The following TMEM38B variants were observed in gnomAD, a reference collection of about 807,000 sequenced individuals.
TMEM38B encodes trimeric intracellular cation channel type B.
TMEM38B carries 24 observed loss-of-function variants against 28.7 expected under a neutral mutation model. The ratio of observed to expected loss-of-function variants is 0.84; its 90% CI spans 0.61 to 1.18. The LOEUF is 1.18. TMEM38B is among the 50% of genes most tolerant of loss of function. The pLI is 0.00. For synonymous variants in TMEM38B, 131 were observed against 127.7 expected (o/e 1.03, Z -0.17); for missense variants, 380 against 350.9 (o/e 1.08, Z -0.66).
chr9:105,748,962 A>AT (rs1837541648), intron 5 of TMEM38B: 1 of 809,898 alleles, frequency 1.2e-6, no homozygotes, highest in African/African-American at 1.8e-5. Context: ...TAGACTAGAT[A>AT]TTTTTGGCTA....
At chr9:105,760,819 G>A in intron 5 of TMEM38B, 1 of 723,822 alleles carries the variant, frequency 1.4e-6, no homozygotes, top group Non-Finnish European at 2.2e-6. Flanking sequence ...TGAGAATGTA[G>A]CTAATCAAAA....
intron 2 of TMEM38B, among the ~76,000 whole-genome samples, chr9:105,706,648 G>C (rs1835680755): frequency 6.6e-6 from 1 of 152,096 alleles, no homozygotes; most frequent in Non-Finnish European, 1.5e-5. Context: ...ATGCTTAAGA[G>C]GCAAGGGAAA....
chr9:105,715,522 T>C (rs548949479), intron 2 of TMEM38B, among the ~76,000 whole-genome samples: 98 of 152,210 alleles, frequency 6.4e-4, no homozygotes, highest in African/African-American at 2.0e-3. Flanking sequence ...CTCTTATTAT[T>C]GGTATATTGG....
chr9:105,774,856 T>C lies in TMEM38B; in HGVS notation c.*776T>C, dbSNP rs919474241. On this transcript the variant is annotated 3_prime_UTR_variant, in exon 6 of 6. Coordinates refer to ENST00000374692, the MANE Select transcript of TMEM38B (RefSeq NM_018112.3). ...TTAATCCTATGTTTTGTAATTTTCA[T>C]TTTAGGAGCTTGACTTATTTTTTTC... 1 of 152,008 alleles carries C rather than the reference T, an allele frequency of 6.6e-6. No individual in the cohort carries two copies. The highest frequency in any genetic ancestry group is 2.4e-5 in the African/African-American group (1 of 41,424). 9.4% of individuals were successfully genotyped at this position (152,008 alleles called of 1,614,324 possible).
At chr9:105,705,487 G>C in intron 1 of TMEM38B, 110 bp from the exon 2 acceptor site, 1 of 1,105,904 alleles carries the variant, frequency 9.0e-7, no homozygotes, top group Non-Finnish European at 1.3e-6. Context: ...AATAATAGTT[G>C]TTGAAAATTA....
In TMEM38B at chr9:105,748,149, A is replaced by G; in HGVS notation, c.619A>G (p.Asn207Asp). 1.9e-6 allele frequency: 3 copies of G among 1,613,540 alleles called. No individual in the cohort carries two copies. Among genetic ancestry groups the G allele is most frequent in the Non-Finnish European group, 2.5e-6 (3 of 1,179,622 alleles). ...CCAGCATCTGGCAATATCAAAGCAT[A>G]ATCTTATGTTCCTTTATACCATCTT... ...HTQHLAISKHNLMFLYTIFIV... is the reference protein window; with the variant it reads ...HTQHLAISKHDLMFLYTIFIV... The change falls in exon 5 of 6, where the codon AAT becomes GAT. Residue 207 changes from asparagine (N) to aspartate (D), a missense_variant. Coordinates refer to ENST00000374692, the MANE Select transcript of TMEM38B (RefSeq NM_018112.3).
chr9:105,694,668 C>A lies in TMEM38B; in HGVS notation c.8C>A (p.Ser3Tyr). 2 of 1,613,656 alleles carry A rather than the reference C, an allele frequency of 1.2e-6. No homozygotes were observed. The highest frequency in any genetic ancestry group is 1.7e-6 in the Non-Finnish European group (2 of 1,179,670). The change falls in exon 1 of 6, where the codon TCT (serine) becomes TAT (tyrosine). Residue 3 changes from serine to tyrosine, a missense_variant. Ser to Tyr is a moderately radical substitution (Grantham distance 144, BLOSUM62 -2). Coordinates refer to ENST00000374692, the MANE Select transcript of TMEM38B (RefSeq NM_018112.3). Reference protein sequence around the residue: MDSPWDELALAFS... With the variant: MDYPWDELALAFS... ...CCGCGGTCGGTGGTCGTTATGGATTCTCCATGGGACGAGTTGGCTCTGGCC... is the reference window on the plus strand; with the variant it reads ...CCGCGGTCGGTGGTCGTTATGGATTATCCATGGGACGAGTTGGCTCTGGCC...
chr9:105,739,876 G>A (rs1047772121), intron 4 of TMEM38B, among the ~76,000 whole-genome samples: 11 of 151,326 alleles, frequency 7.3e-5, no homozygotes, highest in Admixed American at 4.6e-4. Context: ...ATTTAATTAC[G>A]TCTTTTTAAA....
At chr9:105,749,238 C>T (rs561780015) in intron 5 of TMEM38B, 2 of 506,492 alleles carry the variant, frequency 3.9e-6, no homozygotes, top group East Asian at 1.9e-4. Flanking sequence ...AGTCTGTTCT[C>T]ATGCTGCTAA....
At chr9:105,703,292 G>A (rs369562849) in intron 1 of TMEM38B, among the ~76,000 whole-genome samples, 1 of 152,156 alleles carries the variant, frequency 6.6e-6, no homozygotes. Context: ...CCAGACCAGC[G>A]TGGCCAACAT....
chr9:105,730,183 T>C (rs1836679299), intron 4 of TMEM38B, among the ~76,000 whole-genome samples: 1 of 152,208 alleles, frequency 6.6e-6, no homozygotes, highest in Non-Finnish European at 1.5e-5. Context: ...CGTCCAGTTT[T>C]TGCCCATTCA....
chr9:105,772,255 G>T (rs1174128068), intron 5 of TMEM38B, among the ~76,000 whole-genome samples: 1 of 152,072 alleles, frequency 6.6e-6, no homozygotes, highest in Non-Finnish European at 1.5e-5. Flanking sequence ...TTAGGGATTG[G>T]TAAATTCCCC....
In TMEM38B at chr9:105,748,208, C is replaced by T. The variant is rs187554503; in HGVS notation, c.660+18C>T. 6.5e-7 allele frequency: 1 copy of T among 1,544,762 alleles called. No homozygotes were observed. Among genetic ancestry groups the T allele is most frequent in the Non-Finnish European group, 8.9e-7 (1 of 1,118,836 alleles). On this transcript the variant is annotated intron_variant, in intron 5 of 5. Transcript: ENST00000374692. ...CCACAAAGGTAAGAATTCAAAGTAC[C>T]TATAATTATTACAAATCCTGTATAA...
At chr9:105,748,492 T>G (rs1376129106) in intron 5 of TMEM38B, among the ~76,000 whole-genome samples, 1 of 152,186 alleles carries the variant, frequency 6.6e-6, no homozygotes, top group Non-Finnish European at 1.5e-5. Flanking sequence ...TGATACTGTC[T>G]CATTTGTAAA....
At position 105,776,212 on chromosome 9, in the gene TMEM38B, A is replaced by G. The variant is rs1826716112; in HGVS notation, c.*2132A>G. On this transcript the variant is annotated 3_prime_UTR_variant, in exon 6 of 6. Coordinates refer to ENST00000374692, the MANE Select transcript of TMEM38B (RefSeq NM_018112.3). The stretch of plus-strand genomic sequence containing the variant: ...TCTCCTTAAAAAAAAAAAGGAGACA[A>G]AAAGCTGGCAAGAACATGAGCCAGC... 6.6e-6 allele frequency: 1 copy of G among 152,202 alleles called. No individual in the cohort carries two copies. The allele number at this position is 152,202 out of a possible 1,614,324, so 9.4% of individuals were successfully genotyped here.
At chr9:105,718,994 A>T (rs1029983791) in intron 2 of TMEM38B, among the ~76,000 whole-genome samples, 1 of 152,304 alleles carries the variant, frequency 6.6e-6, no homozygotes, top group Middle Eastern at 3.4e-3. Context: ...GACTAACATG[A>T]ACTGTATTTA....
At chr9:105,757,141 G>C (rs1443662207) in intron 5 of TMEM38B, among the ~76,000 whole-genome samples, 2 of 152,046 alleles carry the variant, frequency 1.3e-5, no homozygotes, top group South Asian at 4.1e-4. Context: ...CCCACTTATA[G>C]AGAACATATG....
At chr9:105,699,336 T>C (rs1036107865) in intron 1 of TMEM38B, among the ~76,000 whole-genome samples, 2 of 152,214 alleles carry the variant, frequency 1.3e-5, no homozygotes, top group Non-Finnish European at 1.5e-5. Context: ...TGATTGATTC[T>C]CTAGAACTCA....
chr9:105,762,035 AG>A (rs1350200699), intron 5 of TMEM38B, among the ~76,000 whole-genome samples: 1 of 152,004 alleles, frequency 6.6e-6, no homozygotes, highest in African/African-American at 2.4e-5. Flanking sequence ...TTTTACTCCA[AG>A]GTTGTTTAAT....
Sources: gnomAD v4.1 joint callset for allele counts (sites outside exome capture counted in the v4.1 genomes callset) on GRCh38, gnomAD v4.1.1 for gene constraint, MANE v1.5 for transcripts, NCBI Gene and HGNC (gene_info 2026-07-23, HGNC 2026-07-21) for gene names.